Variants in NRXN3 observed in about 807,000 individuals in gnomAD.
NRXN3 encodes neurexin III.
Under a neutral mutation model 137.6 loss-of-function variants are expected in NRXN3, and 32 were observed. That is an observed-to-expected ratio of 0.23 (90% CI 0.18 to 0.31). The LOEUF is 0.31. Among genes scored for constraint, NRXN3 ranks in the 10% least tolerant of loss-of-function variants. The pLI is 1.00. For synonymous variants in NRXN3, 798 were observed against 784.5 expected, an observed-to-expected ratio of 1.02 and a Z score of -0.29; for missense variants, 1,574 against 2,062.5, an observed-to-expected ratio of 0.76 and a Z score of 4.59.
intron 16 of NRXN3, among the ~76,000 whole-genome samples, chr14:79,584,709 T>C (rs76580654): frequency 0.13 from 19,360 of 152,188 alleles, 1,388 homozygotes; most frequent in South Asian, 0.23. Context: ...GCTGACCACC[T>C]GAAGGTGACT....
intron 10 of NRXN3, among the ~76,000 whole-genome samples, chr14:78,860,060 G>A (rs569349868): frequency 1.3e-5 from 2 of 152,188 alleles, no homozygotes; most frequent in Admixed American, 1.3e-4. Context: ...GGCCCAATTG[G>A]ATGCTCAGGT....
At chr14:78,190,711 T>C (rs887795523) in intron 1 of NRXN3, among the ~76,000 whole-genome samples, 3 of 152,154 alleles carry the variant, frequency 2.0e-5, no homozygotes, top group Non-Finnish European at 4.4e-5. Context: ...TCTCACTCTG[T>C]TGCCCAGGCT....
chr14:79,040,097 A>G (rs1337413892), intron 15 of NRXN3, among the ~76,000 whole-genome samples: 1 of 152,184 alleles, frequency 6.6e-6, no homozygotes, highest in Non-Finnish European at 1.5e-5. Context: ...CATTACCTGG[A>G]TAATTTCCTT....
chr14:79,387,657 TA>T (rs200694268), intron 15 of NRXN3, among the ~76,000 whole-genome samples: 99,773 of 150,836 alleles, frequency 0.66, 33,770 homozygotes, highest in Middle Eastern at 0.85. Flanking sequence ...TGCACATGTA[TA>T]TTTTATTGCA....
At chr14:79,112,871 C>G (rs1189507534) in intron 15 of NRXN3, among the ~76,000 whole-genome samples, 1 of 152,104 alleles carries the variant, frequency 6.6e-6, no homozygotes, top group Admixed American at 6.6e-5. Flanking sequence ...AAGTGAGTAC[C>G]TCTTTGTAGC....
chr14:78,275,573 G>A (rs1182711243), intron 2 of NRXN3, among the ~76,000 whole-genome samples: 1 of 152,110 alleles, frequency 6.6e-6, no homozygotes, highest in African/African-American at 2.4e-5. Flanking sequence ...ATGGAATATG[G>A]CAGCTCTAGA....
At chr14:78,355,048 C>T (rs1227001503) in intron 4 of NRXN3, among the ~76,000 whole-genome samples, 3 of 152,142 alleles carry the variant, frequency 2.0e-5, no homozygotes, top group Non-Finnish European at 4.4e-5. Context: ...ATGTGTGAAC[C>T]CTCCCCACCT....
intron 15 of NRXN3, among the ~76,000 whole-genome samples, chr14:79,228,750 T>C (rs1267021497): frequency 3.9e-5 from 6 of 152,156 alleles, no homozygotes; most frequent in Admixed American, 3.9e-4. Flanking sequence ...AGATTTACAT[T>C]TAGGTTTTAA....
chr14:78,694,218 A>G (rs886629463), intron 6 of NRXN3, among the ~76,000 whole-genome samples: 1 of 151,980 alleles, frequency 6.6e-6, no homozygotes, highest in Non-Finnish European at 1.5e-5. Context: ...TCCTCTTCTA[A>G]AAGAAGGCTT....
At chr14:79,776,667 T>C (rs1277274677) in intron 19 of NRXN3, among the ~76,000 whole-genome samples, 3 of 152,302 alleles carry the variant, frequency 2.0e-5, no homozygotes, top group East Asian at 3.9e-4. Flanking sequence ...TGCCTTGACA[T>C]AGATGCTTGG....
intron 15 of NRXN3, among the ~76,000 whole-genome samples, chr14:79,094,079 T>A (rs1008317524): frequency 1.3e-5 from 2 of 151,892 alleles, no homozygotes; most frequent in African/African-American, 4.8e-5. Context: ...AAATAAAGGG[T>A]TAAATGAGGT....
intron 15 of NRXN3, among the ~76,000 whole-genome samples, chr14:79,048,792 A>G (rs961273320): frequency 1.3e-5 from 2 of 150,764 alleles, no homozygotes; most frequent in African/African-American, 4.9e-5. Flanking sequence ...TGGGAGGCCG[A>G]GACGGGCGGA....
intron 15 of NRXN3, among the ~76,000 whole-genome samples, chr14:79,157,389 T>C (rs2060348212): frequency 6.6e-6 from 1 of 151,794 alleles, no homozygotes. Flanking sequence ...TTGGGGTCAC[T>C]GTGGAAACCA....
intron 15 of NRXN3, among the ~76,000 whole-genome samples, chr14:79,388,367 G>A (rs2094715656): frequency 6.6e-6 from 1 of 151,898 alleles, no homozygotes; most frequent in African/African-American, 2.4e-5. Flanking sequence ...TAACACAGTG[G>A]CTTTTTTTTT....
chr14:79,516,694 A>G (rs905947991), intron 16 of NRXN3, among the ~76,000 whole-genome samples: 17 of 152,186 alleles, frequency 1.1e-4, no homozygotes, highest in Admixed American at 1.0e-3. Flanking sequence ...ATATATGTAC[A>G]AGCAAAGGAA....
intron 8 of NRXN3, among the ~76,000 whole-genome samples, chr14:78,798,983 T>C (rs7160139): frequency 0.96 from 145,442 of 152,284 alleles, 69,798 homozygotes; most frequent in East Asian, 1. Flanking sequence ...TCCTCCTAGC[T>C]TCTGGGGCAC....
At position 78,375,859 on chromosome 14, in the gene NRXN3, A is replaced by G. The variant is rs1197626822; in HGVS notation, c.757+77999A>G. ...AAGGCTGTGAGGTGGGGATGATGTGACAATTTATAATAAATTAAGGTCCCC... is the reference window on the plus strand; with the variant it reads ...AAGGCTGTGAGGTGGGGATGATGTGGCAATTTATAATAAATTAAGGTCCCC... On this transcript the variant is annotated intron_variant, in intron 4 of 20. Transcript: ENST00000335750. Among the ~76,000 whole-genome samples the G allele has an allele frequency of 1.3e-5, 2 of 152,196 alleles. 1 individual carries two copies. Among genetic ancestry groups the G allele is most frequent in the South Asian group, 4.1e-4 (2 of 4,828 alleles).
intron 20 of NRXN3, among the ~76,000 whole-genome samples, chr14:79,834,041 G>A (rs1255873328): frequency 6.6e-6 from 1 of 150,490 alleles, no homozygotes. Context: ...CAGCATTTGT[G>A]TTACAGCACA....
chr14:79,849,723 C>T (rs1054158016), intron 20 of NRXN3, among the ~76,000 whole-genome samples: 1 of 152,096 alleles, frequency 6.6e-6, no homozygotes, highest in Non-Finnish European at 1.5e-5. Flanking sequence ...AATGGAATTG[C>T]CATATAACCC....
Sources: gnomAD v4.1 joint callset for allele counts (sites outside exome capture counted in the v4.1 genomes callset) on GRCh38, gnomAD v4.1.1 for gene constraint, MANE v1.5 for transcripts, NCBI Gene and HGNC (gene_info 2026-07-23, HGNC 2026-07-21) for gene names.